DLGAP1: variants seen among roughly 807,000 people sequenced by gnomAD.
DLGAP1 encodes DLG associated protein 1, also known as disks large-associated protein 1.
A neutral mutation model predicts 90.8 loss-of-function variants in DLGAP1; 11 were observed. That is an observed-to-expected ratio of 0.12 (90% confidence interval 0.08 to 0.20). The LOEUF is 0.20. Ranked by LOEUF, DLGAP1 falls within the 10% of genes least tolerant of loss-of-function variation. The pLI, the probability that DLGAP1 is intolerant of heterozygous loss-of-function variation, is 1.00. For synonymous variants in DLGAP1, 558 were observed against 540.7 expected, an observed-to-expected ratio of 1.03 and a Z score of -0.44; for missense variants, 1,050 against 1,333.8, an observed-to-expected ratio of 0.79 and a Z score of 3.31.
At chr18:3,936,342 C>T (rs1599184143) in intron 3 of DLGAP1, among the ~76,000 whole-genome samples, 1 of 152,226 alleles carries the variant, frequency 6.6e-6, no homozygotes, top group South Asian at 2.1e-4. Flanking sequence ...AATTTGCCCC[C>T]AAGTGACACA....
At chr18:4,182,707 A>G (rs1202292610) in intron 1 of DLGAP1, among the ~76,000 whole-genome samples, 1 of 152,032 alleles carries the variant, frequency 6.6e-6, no homozygotes, top group African/African-American at 2.4e-5. Flanking sequence ...AAAACTTATC[A>G]GGGTTGAGAT....
intron 7 of DLGAP1, among the ~76,000 whole-genome samples, chr18:3,629,506 C>T (rs1018799106): frequency 8.6e-5 from 13 of 151,966 alleles, no homozygotes; most frequent in Non-Finnish European, 1.6e-4. Context: ...CCTGTCTCTA[C>T]TAAAAATACA....
chr18:4,191,266 T>G (rs529194302), intron 1 of DLGAP1, among the ~76,000 whole-genome samples: 1 of 152,310 alleles, frequency 6.6e-6, no homozygotes, highest in African/African-American at 2.4e-5. Context: ...GATTACTCTA[T>G]AAGTATAAGC....
At chr18:3,696,243 AGTG>A (rs2061087179) in intron 7 of DLGAP1, among the ~76,000 whole-genome samples, 1 of 152,120 alleles carries the variant, frequency 6.6e-6, no homozygotes, top group South Asian at 2.1e-4. Context: ...GTTGAATAGG[AGTG>A]GTGAGAGAGG....
At chr18:4,364,767 T>C (rs774121243) in intron 1 of DLGAP1, among the ~76,000 whole-genome samples, 11 of 152,330 alleles carry the variant, frequency 7.2e-5, no homozygotes, top group Non-Finnish European at 1.2e-4. Flanking sequence ...ACTTGATGTC[T>C]TTCTAACTTT....
At chr18:3,716,382 T>A (rs11081068) in intron 7 of DLGAP1, among the ~76,000 whole-genome samples, 77,680 of 151,866 alleles carry the variant, frequency 0.51, 20,442 homozygotes, top group East Asian at 0.7. Context: ...AAAAAATTTT[T>A]AAAATTATCT....
chr18:4,293,667 T>C (rs937607568), intron 1 of DLGAP1: 2 of 152,188 alleles, frequency 1.3e-5, no homozygotes, highest in African/African-American at 4.8e-5. Context: ...AGAATGAATA[T>C]CTTTATGACA....
intron 10 of DLGAP1, among the ~76,000 whole-genome samples, chr18:3,533,919 C>T (rs946139662): frequency 2.0e-5 from 3 of 152,096 alleles, no homozygotes; most frequent in Non-Finnish European, 2.9e-5. Context: ...AAAGCACCTC[C>T]ACACAGAGCT....
At chr18:3,696,996 A>G (rs2061116599) in intron 7 of DLGAP1, among the ~76,000 whole-genome samples, 1 of 152,148 alleles carries the variant, frequency 6.6e-6, no homozygotes, top group Non-Finnish European at 1.5e-5. Flanking sequence ...AGGTGTTTAT[A>G]GTATTCTCTC....
intron 1 of DLGAP1, among the ~76,000 whole-genome samples, chr18:4,452,549 T>C (rs774151886): frequency 6.6e-6 from 1 of 152,198 alleles, no homozygotes; most frequent in East Asian, 1.9e-4. Context: ...TCAAAGTGCA[T>C]GCAGTTTCTA....
chr18:3,787,241 T>C (rs1303347492), intron 5 of DLGAP1, among the ~76,000 whole-genome samples: 2 of 152,074 alleles, frequency 1.3e-5, no homozygotes, highest in African/African-American at 4.8e-5. Context: ...CCCAGCACTT[T>C]GGGAGGCCGA....
intron 7 of DLGAP1, chr18:3,722,186 CT>C (rs146587149): frequency 2.0e-4 from 31 of 152,314 alleles, no homozygotes; most frequent in African/African-American, 7.0e-4. Flanking sequence ...CAAAGGTGGA[CT>C]TGCTTGTTGG....
chr18:3,956,473 C>G (rs910802759), intron 3 of DLGAP1, among the ~76,000 whole-genome samples: 1 of 152,026 alleles, frequency 6.6e-6, no homozygotes, highest in African/African-American at 2.4e-5. Flanking sequence ...CTCAGCCTCC[C>G]CAGTAGCTGG....
intron 5 of DLGAP1, among the ~76,000 whole-genome samples, chr18:3,746,382 G>C (rs1815957): frequency 0.49 from 74,565 of 151,762 alleles, 19,529 homozygotes; most frequent in African/African-American, 0.66. Context: ...AAGGCCTAAA[G>C]AAATGCAAAG....
chr18:4,306,471 GAGAGAC>G (rs1568503678), intron 1 of DLGAP1, among the ~76,000 whole-genome samples: 28 of 151,246 alleles, frequency 1.9e-4, no homozygotes, highest in Middle Eastern at 3.4e-3. Context: ...GTGAGAGAGA[GAGAGAC>G]AGACAGAGAA....
At chr18:3,808,461 G>A (rs2066672580) in intron 5 of DLGAP1, among the ~76,000 whole-genome samples, 2 of 152,148 alleles carry the variant, frequency 1.3e-5, no homozygotes, top group African/African-American at 4.8e-5. Flanking sequence ...TCACAATTTC[G>A]TGTGGCAGGT....
chr18:3,747,146 C>T (rs1335662695), intron 5 of DLGAP1, among the ~76,000 whole-genome samples: 2 of 152,138 alleles, frequency 1.3e-5, no homozygotes, highest in African/African-American at 4.8e-5. Context: ...ACTCTTGAGC[C>T]CAGACCAGCC....
chr18:3,890,065 C>T (rs1475423472), intron 3 of DLGAP1, among the ~76,000 whole-genome samples: 1 of 152,160 alleles, frequency 6.6e-6, no homozygotes, highest in African/African-American at 2.4e-5. Flanking sequence ...AAAGCTTACT[C>T]ATCCAAGTAA....
chr18:3,803,819 G>A (rs1252705492), intron 5 of DLGAP1, among the ~76,000 whole-genome samples: 1 of 151,718 alleles, frequency 6.6e-6, no homozygotes, highest in African/African-American at 2.4e-5. Flanking sequence ...GACACCGTTG[G>A]GAGGATCTTA....
Sources: allele counts gnomAD v4.1 joint callset (sites outside exome capture counted in the v4.1 genomes callset), GRCh38; gene constraint gnomAD v4.1.1; transcripts MANE v1.5; gene names NCBI Gene and HGNC (gene_info 2026-07-23, HGNC 2026-07-21).